GRM7: variants seen among roughly 807,000 people sequenced by gnomAD.
The protein encoded by GRM7 is glutamate metabotropic receptor 7, also known as metabotropic glutamate receptor 7.
In GRM7, 35 loss-of-function variants were observed where a neutral mutation model predicts 84.5. That is an observed-to-expected ratio of 0.41 (90% CI 0.32 to 0.55). The LOEUF (loss-of-function observed/expected upper bound fraction) is 0.55. Among genes scored for constraint, GRM7 ranks in the 20% least tolerant of loss-of-function variants. The pLI is 0.19. For missense variants in GRM7, 1,003 were observed against 1,194.6 expected, an observed-to-expected ratio of 0.84 and a Z score of 2.36; for synonymous variants, 487 against 455.1, an observed-to-expected ratio of 1.07 and a Z score of -0.89.
intron 1 of GRM7, among the ~76,000 whole-genome samples, chr3:6,988,352 C>T (rs951468353): frequency 2.0e-5 from 3 of 151,814 alleles, no homozygotes; most frequent in African/African-American, 7.3e-5. Context: ...TCTTTTGGGA[C>T]TTCACAGCTC....
intron 2 of GRM7, among the ~76,000 whole-genome samples, chr3:7,232,950 C>T (rs1024302170): frequency 8.6e-5 from 13 of 151,766 alleles, no homozygotes; most frequent in Non-Finnish European, 1.8e-4. Flanking sequence ...TTATGGGTAC[C>T]CTGAAGGGAA....
intron 4 of GRM7, among the ~76,000 whole-genome samples, chr3:7,342,426 A>C (rs1692685698): frequency 6.6e-6 from 1 of 152,106 alleles, no homozygotes; most frequent in African/African-American, 2.4e-5. Context: ...ATGACCAATC[A>C]ATTACTGTGC....
chr3:6,874,203 A>G (rs1478076630), intron 1 of GRM7, among the ~76,000 whole-genome samples: 1 of 152,212 alleles, frequency 6.6e-6, no homozygotes, highest in Admixed American at 6.5e-5. Context: ...GGCATATAGC[A>G]AGTGCTCAAT....
At chr3:6,869,593 A>ATCTG (rs1401136238) in intron 1 of GRM7, among the ~76,000 whole-genome samples, 2 of 151,958 alleles carry the variant, frequency 1.3e-5, no homozygotes, top group African/African-American at 4.8e-5. Context: ...CTATCTATCT[A>ATCTG]TCTATCTATG....
chr3:7,041,700 T>TC (rs1696621931), intron 1 of GRM7, among the ~76,000 whole-genome samples: 1 of 151,990 alleles, frequency 6.6e-6, no homozygotes, highest in South Asian at 2.1e-4. Flanking sequence ...CCTCCCTGTT[T>TC]CCTGGAATTT....
At chr3:7,438,345 G>A (rs919497194) in intron 5 of GRM7, among the ~76,000 whole-genome samples, 1 of 151,960 alleles carries the variant, frequency 6.6e-6, no homozygotes, top group African/African-American at 2.4e-5. Context: ...CTGTAATTTG[G>A]TCATGGGTGA....
chr3:7,235,032 T>C (rs963975738), intron 2 of GRM7, among the ~76,000 whole-genome samples: 2 of 152,196 alleles, frequency 1.3e-5, no homozygotes, highest in Admixed American at 1.3e-4. Context: ...TAGATCCCTT[T>C]TGATACCTAA....
chr3:7,701,454 C>T (rs1447394468), intron 9 of GRM7, among the ~76,000 whole-genome samples: 1 of 152,050 alleles, frequency 6.6e-6, no homozygotes, highest in Non-Finnish European at 1.5e-5. Context: ...GCGCACACCA[C>T]CACACCCAGG....
At chr3:7,474,538 C>A (rs370558329) in intron 7 of GRM7, among the ~76,000 whole-genome samples, 15 of 151,958 alleles carry the variant, frequency 9.9e-5, no homozygotes, top group African/African-American at 3.6e-4. Flanking sequence ...TGTGCACATA[C>A]ATAAATGAGT....
intron 2 of GRM7, among the ~76,000 whole-genome samples, chr3:7,232,123 C>A (rs1697214101): frequency 6.6e-6 from 1 of 152,016 alleles, no homozygotes; most frequent in Non-Finnish European, 1.5e-5. Flanking sequence ...GCAGTTTTGA[C>A]AAATGATGGG....
intron 2 of GRM7, among the ~76,000 whole-genome samples, chr3:7,165,362 A>T (rs1442800949): frequency 1.3e-5 from 2 of 152,238 alleles, no homozygotes; most frequent in African/African-American, 4.8e-5. Context: ...GGGAGAAAAA[A>T]ATTGAAGAAA....
intron 4 of GRM7, among the ~76,000 whole-genome samples, chr3:7,316,472 A>G (rs1216484371): frequency 6.6e-6 from 1 of 152,180 alleles, no homozygotes; most frequent in African/African-American, 2.4e-5. Flanking sequence ...AGATGACAGT[A>G]GGGTGAACCA....
At position 6,873,543 on chromosome 3, in the gene GRM7, T is replaced by A. The variant is rs1023359189; in HGVS notation, c.519+11636T>A. Among the ~76,000 whole-genome samples the A allele has an allele frequency of 4.6e-5, 7 of 152,328 alleles. 1 individual carries two copies. Among genetic ancestry groups the A allele is most frequent in the East Asian group, 3.9e-4 (2 of 5,186 alleles). On this transcript the variant is annotated intron_variant, in intron 1 of 9. Coordinates refer to ENST00000357716, the MANE Select transcript of GRM7 (RefSeq NM_000844.4). The stretch of plus-strand genomic sequence containing the variant: ...ATGGTGAAATAATGTTAACAATAGA[T>A]CCGTCTGCATAGGCCTGTTTTCAGT...
chr3:7,062,266 A>T (rs564933550), intron 1 of GRM7, among the ~76,000 whole-genome samples: 5 of 151,644 alleles, frequency 3.3e-5, no homozygotes, highest in Non-Finnish European at 4.4e-5. Flanking sequence ...AATGGAACGG[A>T]TAAAGCATTA....
intron 1 of GRM7, among the ~76,000 whole-genome samples, chr3:7,060,452 C>T (rs1299381425): frequency 6.6e-6 from 1 of 151,712 alleles, no homozygotes; most frequent in Non-Finnish European, 1.5e-5. Flanking sequence ...CTGTCTTTAC[C>T]ATTCTCTACC....
chr3:6,886,892 C>A (rs1006266967), intron 1 of GRM7, among the ~76,000 whole-genome samples: 2 of 151,724 alleles, frequency 1.3e-5, no homozygotes, highest in Non-Finnish European at 2.9e-5. Flanking sequence ...ATATTATCTT[C>A]CAAGTTTTTT....
intron 2 of GRM7, among the ~76,000 whole-genome samples, chr3:7,169,895 C>G (rs1345386846): frequency 6.6e-6 from 1 of 152,066 alleles, no homozygotes; most frequent in Non-Finnish European, 1.5e-5. Context: ...TTTTTAACAC[C>G]TGTTAAAATA....
At chr3:7,617,248 T>G (rs1697132397) in intron 8 of GRM7, among the ~76,000 whole-genome samples, 1 of 152,104 alleles carries the variant, frequency 6.6e-6, no homozygotes, top group Admixed American at 6.6e-5. Flanking sequence ...ACAGAATATA[T>G]GGTATAGAAA....
intron 9 of GRM7, among the ~76,000 whole-genome samples, chr3:7,725,725 T>C (rs1381237048): frequency 6.6e-6 from 1 of 152,232 alleles, no homozygotes; most frequent in Non-Finnish European, 1.5e-5. Flanking sequence ...CATTGAGAGA[T>C]GCATGACTTA....
Sources: allele counts gnomAD v4.1 joint callset (sites outside exome capture counted in the v4.1 genomes callset), GRCh38; gene constraint gnomAD v4.1.1; transcripts MANE v1.5; gene names NCBI Gene and HGNC (gene_info 2026-07-23, HGNC 2026-07-21).